Variants in HIVEP2 observed in about 807,000 individuals in gnomAD.
The protein encoded by HIVEP2 is transcription factor HIVEP2.
In HIVEP2, 14 loss-of-function variants were observed where a neutral mutation model predicts 180.7. That is an observed-to-expected ratio of 0.08 (90% confidence interval 0.05 to 0.12). The LOEUF is 0.12. HIVEP2 is among the 10% of genes least tolerant of loss of function. The pLI is 1.00. For synonymous variants in HIVEP2, 1,184 were observed against 1,136.4 expected, an observed-to-expected ratio of 1.04 and a Z score of -0.84; for missense variants, 2,579 against 3,008.5, an observed-to-expected ratio of 0.86 and a Z score of 3.34.
rs77897180 is a variant in HIVEP2, at chr6:142,899,210, G to T, written c.-641+45889C>A. On this transcript the variant is annotated intron_variant, in intron 1 of 9. Coordinates refer to ENST00000367603, the MANE Select transcript of HIVEP2 (RefSeq NM_006734.4). Reference sequence around the variant, plus strand: ...TCACAAATGCATCTCTCTATTTCCAGGTCTCTGGATCCTTTTTTGCTAAGG... The same window carrying T: ...TCACAAATGCATCTCTCTATTTCCATGTCTCTGGATCCTTTTTTGCTAAGG... 8.5e-3 allele frequency among the ~76,000 whole-genome samples: 1,290 copies of T among 152,178 alleles called. 77 individuals carry two copies. The East Asian group carries it at 0.17, about 20-fold the overall frequency.
intron 2 of HIVEP2, among the ~76,000 whole-genome samples, chr6:142,820,555 A>G (rs117346551): frequency 0.025 from 3,849 of 152,320 alleles, 68 homozygotes; most frequent in Middle Eastern, 0.065. Flanking sequence ...AGCTGTTTAA[A>G]CAGACGTTCA....
At chr6:142,805,347 C>A (rs907122641) in intron 2 of HIVEP2, among the ~76,000 whole-genome samples, 15 of 140,742 alleles carry the variant, frequency 1.1e-4, no homozygotes, top group South Asian at 2.5e-4. Context: ...AGGAACCCCC[C>A]AGCTCCTCTC....
At chr6:142,781,710 C>A (rs1775866071) in intron 3 of HIVEP2, among the ~76,000 whole-genome samples, 1 of 152,304 alleles carries the variant, frequency 6.6e-6, no homozygotes, top group South Asian at 2.1e-4. Context: ...AGTGTGCCCT[C>A]TCCTTTGGCC....
chr6:142,791,719 A>G (rs1776142097), intron 2 of HIVEP2, among the ~76,000 whole-genome samples: 2 of 152,208 alleles, frequency 1.3e-5, no homozygotes, highest in East Asian at 1.9e-4. Flanking sequence ...TTACTGCCTC[A>G]TTTACCAAAA....
At chr6:142,861,203 C>T (rs758342190) in intron 1 of HIVEP2, among the ~76,000 whole-genome samples, 1 of 152,118 alleles carries the variant, frequency 6.6e-6, no homozygotes, top group South Asian at 2.1e-4. Context: ...TGGTTCTGTA[C>T]GTTTCTAAAT....
intron 1 of HIVEP2, among the ~76,000 whole-genome samples, chr6:142,837,793 C>T (rs1775260546): frequency 6.6e-6 from 1 of 151,832 alleles, no homozygotes; most frequent in Non-Finnish European, 1.5e-5. Flanking sequence ...GAGAGAGAGC[C>T]TAAAATGAAT....
intron 1 of HIVEP2, among the ~76,000 whole-genome samples, chr6:142,853,016 C>T (rs527260852): frequency 4.6e-5 from 7 of 152,018 alleles, no homozygotes; most frequent in Admixed American, 3.3e-4. Flanking sequence ...CAACATATAC[C>T]TCTTTTCTTA....
At chr6:142,860,243 ACTC>A (rs1775940720) in intron 1 of HIVEP2, among the ~76,000 whole-genome samples, 1 of 152,018 alleles carries the variant, frequency 6.6e-6, no homozygotes, top group Non-Finnish European at 1.5e-5. Context: ...ACTTAAATGA[ACTC>A]CTGATGAAAG....
intron 1 of HIVEP2, among the ~76,000 whole-genome samples, chr6:142,908,989 T>A (rs993326047): frequency 2.0e-5 from 3 of 152,134 alleles, no homozygotes; most frequent in African/African-American, 4.8e-5. Context: ...CCTTTTTTAA[T>A]TAACAATAGT....
Position 142,771,027 on chromosome 6 carries a change from G to C in HIVEP2, c.3712C>G (p.Pro1238Ala). ...GAGGGCTTGCCATAGCTCTTCTGAG[G>C]GTGCTGAGCAAAGGGATGTGGGAAA... ...AHFPHPFAQH[P>A]QKSYGKPSFQ... Residue 1238 changes from proline (P) to alanine (A), a missense_variant, in exon 5 of 10, where the codon CCT (proline) becomes GCT (alanine). This residue lies in a region of HIVEP2 where 523 missense variants were observed against 577.0 expected (regional missense o/e 0.91). Coordinates refer to ENST00000367603, the MANE Select transcript of HIVEP2 (RefSeq NM_006734.4). The surrounding 1 kb of genome is among the most constrained non-coding windows in gnomAD (Gnocchi z 5.4). 1 of 1,614,194 alleles carries C rather than the reference G, an allele frequency of 6.2e-7. No individual in the cohort carries two copies.
At chr6:142,866,329 T>G (rs1156368232) in intron 1 of HIVEP2, among the ~76,000 whole-genome samples, 1 of 152,190 alleles carries the variant, frequency 6.6e-6, no homozygotes, top group Admixed American at 6.5e-5. Flanking sequence ...TGGCACACAG[T>G]AAGTGCTCAA....
chr6:142,790,423 C>G (rs988100487), intron 2 of HIVEP2, among the ~76,000 whole-genome samples: 8 of 152,076 alleles, frequency 5.3e-5, no homozygotes, highest in Non-Finnish European at 2.9e-5. Context: ...TCTAGCCAAG[C>G]CAGCTTAAAC....
At chr6:142,877,596 A>G (rs764316919) in intron 1 of HIVEP2, among the ~76,000 whole-genome samples, 1 of 149,584 alleles carries the variant, frequency 6.7e-6, no homozygotes, top group Non-Finnish European at 1.5e-5. Flanking sequence ...GCATCATTCT[A>G]CACCTTTGGT....
chr6:142,786,613 C>A (rs987874922), intron 2 of HIVEP2, among the ~76,000 whole-genome samples: 1 of 152,188 alleles, frequency 6.6e-6, no homozygotes, highest in African/African-American at 2.4e-5. Flanking sequence ...AAAAAAAATC[C>A]TTGGCATTAG....
At position 142,895,858 on chromosome 6, in the gene HIVEP2, G is replaced by A. The variant is rs9399409; in HGVS notation, c.-641+49241C>T. On this transcript the variant is annotated intron_variant, in intron 1 of 9. Coordinates refer to ENST00000367603, the MANE Select transcript of HIVEP2 (RefSeq NM_006734.4). ...CCAACCTGTTTCATTTGAGTTTACC[G>A]AAGCAATAGATTTTTATTTTTGGTG... 9.0e-3 allele frequency among the ~76,000 whole-genome samples: 1,376 copies of A among 152,210 alleles called. 85 individuals are homozygous for A. The East Asian group carries it at 0.17, about 19-fold the overall frequency.
intron 1 of HIVEP2, among the ~76,000 whole-genome samples, chr6:142,846,544 G>A (rs970764953): frequency 6.6e-6 from 1 of 152,142 alleles, no homozygotes; most frequent in African/African-American, 2.4e-5. Flanking sequence ...TTTAATTAGA[G>A]TAGCACCACA....
At chr6:142,883,137 T>C (rs1776613144) in intron 1 of HIVEP2, among the ~76,000 whole-genome samples, 2 of 152,052 alleles carry the variant, frequency 1.3e-5, no homozygotes, top group African/African-American at 4.8e-5. Context: ...TAGCATTCGA[T>C]ATCACACCTT....
At chr6:142,911,076 T>G (rs1777389769) in intron 1 of HIVEP2, among the ~76,000 whole-genome samples, 1 of 150,596 alleles carries the variant, frequency 6.6e-6, no homozygotes, top group Non-Finnish European at 1.5e-5. Flanking sequence ...GACAATAAAG[T>G]TTAAAGGTCA....
At chr6:142,937,556 C>T (rs150313991) in intron 1 of HIVEP2, among the ~76,000 whole-genome samples, 29 of 152,240 alleles carry the variant, frequency 1.9e-4, no homozygotes, top group Non-Finnish European at 3.8e-4. Context: ...GACTTCAAAT[C>T]GAGGTTCTTA....
Sources: gnomAD v4.1 joint callset for allele counts (sites outside exome capture counted in the v4.1 genomes callset) on GRCh38, gnomAD v4.1.1 for gene constraint, gnomAD v4.1.1 regional missense constraint, Gnocchi (gnomAD v3.1) non-coding constraint, MANE v1.5 for transcripts, NCBI Gene and HGNC (gene_info 2026-07-23, HGNC 2026-07-21) for gene names.